The following GRM8 variants were observed in gnomAD, a reference collection of about 807,000 sequenced individuals.
GRM8 encodes glutamate metabotropic receptor 8.
GRM8 carries 47 observed loss-of-function variants against 87.2 expected under a neutral mutation model. The ratio of observed to expected loss-of-function variants is 0.54; its 90% CI spans 0.43 to 0.69. The LOEUF (loss-of-function observed/expected upper bound fraction) is 0.69, where lower values mean the gene tolerates loss of function less well. GRM8 is among the 30% of genes least tolerant of loss of function. The pLI is 0.00. For synonymous variants in GRM8, 396 were observed against 404.5 expected (o/e 0.98, Z 0.25); for missense variants, 1,019 against 1,139.2 (o/e 0.89, Z 1.52).
chr7:127,067,357 G>A (rs551442817), intron 3 of GRM8, among the ~76,000 whole-genome samples: 127 of 152,222 alleles, frequency 8.3e-4, no homozygotes, highest in Middle Eastern at 6.8e-3. Context: ...AACAGGTGCC[G>A]TATTCTTTTT....
At chr7:127,120,922 T>C (rs2299537) in intron 2 of GRM8, among the ~76,000 whole-genome samples, 1 of 152,158 alleles carries the variant, frequency 6.6e-6, no homozygotes, top group East Asian at 1.9e-4. Flanking sequence ...TCATGATAAA[T>C]CTATAGACCA....
intron 6 of GRM8, among the ~76,000 whole-genome samples, chr7:126,882,215 T>C (rs896808655): frequency 3.3e-5 from 5 of 152,230 alleles, no homozygotes; most frequent in African/African-American, 1.2e-4. Flanking sequence ...AGGTTTTTTT[T>C]TTCCCTGTCA....
At chr7:126,503,965 C>G (rs1004545054) in intron 9 of GRM8, among the ~76,000 whole-genome samples, 1 of 152,072 alleles carries the variant, frequency 6.6e-6, no homozygotes, top group African/African-American at 2.4e-5. Context: ...TCACCGCAGT[C>G]TTTGCATGAA....
intron 3 of GRM8, among the ~76,000 whole-genome samples, chr7:126,923,371 GGTC>G (rs766523433): frequency 2.2e-4 from 34 of 152,004 alleles, no homozygotes; most frequent in Non-Finnish European, 4.4e-4. Context: ...GTCCCTAATT[GGTC>G]TGATACCCAA....
At chr7:126,739,916 G>A (rs143287883) in intron 7 of GRM8, among the ~76,000 whole-genome samples, 192 of 152,096 alleles carry the variant, frequency 1.3e-3, no homozygotes, top group African/African-American at 4.4e-3. Flanking sequence ...TAGCCTAGGA[G>A]CAATATGTAC....
chr7:126,869,612 C>A (rs1481223156), intron 6 of GRM8: 1 of 152,162 alleles, frequency 6.6e-6, no homozygotes, highest in African/African-American at 2.4e-5. Flanking sequence ...TCCATCAGAG[C>A]TCTTGAGTGA....
chr7:127,027,245 G>A lies in GRM8; in HGVS notation c.727+79251C>T, dbSNP rs144583000. 1.1e-3 allele frequency among the ~76,000 whole-genome samples: 175 copies of A among 152,272 alleles called. 2 individuals are homozygous for A. In the East Asian group the frequency reaches 0.03, roughly 26 times the overall value. ...CTGTTTTGGTTACCGCAGCCTTGTA[G>A]TATAGTTTGAAGTCAGGTAGCGTGA... On this transcript the variant is annotated intron_variant, in intron 3 of 10. Coordinates refer to ENST00000339582, the MANE Select transcript of GRM8 (RefSeq NM_000845.3).
intron 6 of GRM8, among the ~76,000 whole-genome samples, chr7:126,896,837 C>A (rs1004162856): frequency 1.3e-5 from 2 of 152,148 alleles, no homozygotes; most frequent in African/African-American, 4.8e-5. Context: ...GCAGGCTAAG[C>A]AGCAGTGCCC....
chr7:126,706,383 T>C (rs570163097), intron 7 of GRM8, among the ~76,000 whole-genome samples: 1 of 152,104 alleles, frequency 6.6e-6, no homozygotes, highest in South Asian at 2.1e-4. Context: ...GTCAGTAAGT[T>C]TGAGTCTCAG....
intron 3 of GRM8, among the ~76,000 whole-genome samples, chr7:127,102,029 G>A (rs576431569): frequency 1.3e-5 from 2 of 152,336 alleles, no homozygotes; most frequent in East Asian, 3.9e-4. Context: ...TTATGCCTTA[G>A]CAAATAACTT....
At chr7:126,504,444 T>C (rs1584857302) in intron 9 of GRM8, among the ~76,000 whole-genome samples, 1 of 152,174 alleles carries the variant, frequency 6.6e-6, no homozygotes, top group East Asian at 1.9e-4. Context: ...ATGGTGATAA[T>C]GTGTATGTAT....
At chr7:126,708,194 C>T (rs1810742859) in intron 7 of GRM8, among the ~76,000 whole-genome samples, 1 of 152,172 alleles carries the variant, frequency 6.6e-6, no homozygotes. Context: ...TATCACTACA[C>T]ACCTTTTAGA....
chr7:126,596,768 G>C (rs1797240929), intron 8 of GRM8, among the ~76,000 whole-genome samples: 1 of 152,028 alleles, frequency 6.6e-6, no homozygotes, highest in African/African-American at 2.4e-5. Context: ...GTAAAACTAG[G>C]GAGATCTGAA....
At chr7:126,848,884 G>A (rs1796949946) in intron 6 of GRM8, among the ~76,000 whole-genome samples, 1 of 152,110 alleles carries the variant, frequency 6.6e-6, no homozygotes. Context: ...AAAAGAAAGA[G>A]GTTTAATGGA....
At chr7:127,127,796 GA>G (rs774350938) in intron 2 of GRM8, among the ~76,000 whole-genome samples, 2 of 152,076 alleles carry the variant, frequency 1.3e-5, no homozygotes, top group East Asian at 1.9e-4. Context: ...ATTTAATAAA[GA>G]TTTTTTTAAA....
chr7:126,864,532 G>A (rs1441707261), intron 6 of GRM8, among the ~76,000 whole-genome samples: 1 of 151,780 alleles, frequency 6.6e-6, no homozygotes, highest in Non-Finnish European at 1.5e-5. Flanking sequence ...TTTCATTTTA[G>A]TTCTTCATAA....
At chr7:126,464,378 T>C (rs949044289) in intron 9 of GRM8, among the ~76,000 whole-genome samples, 1 of 150,872 alleles carries the variant, frequency 6.6e-6, no homozygotes. Context: ...AACAGATCAT[T>C]GGGTCTTGTA....
chr7:126,534,460 CT>C (rs1584975672), intron 8 of GRM8, among the ~76,000 whole-genome samples: 1 of 152,074 alleles, frequency 6.6e-6, no homozygotes, highest in Admixed American at 6.6e-5. Context: ...TTGAAATATC[CT>C]TTTTTTCTTC....
intron 7 of GRM8, among the ~76,000 whole-genome samples, chr7:126,727,183 T>C (rs142860496): frequency 2.8e-4 from 43 of 151,952 alleles, no homozygotes; most frequent in African/African-American, 9.9e-4. Context: ...AATATTAATA[T>C]ATATCAATAT....
Sources: gnomAD v4.1 joint callset for allele counts (sites outside exome capture counted in the v4.1 genomes callset) on GRCh38, gnomAD v4.1.1 for gene constraint, MANE v1.5 for transcripts, NCBI Gene and HGNC (gene_info 2026-07-23, HGNC 2026-07-21) for gene names.